The following SNX9 variants were observed in gnomAD, a reference collection of about 807,000 sequenced individuals.
The protein encoded by SNX9 is sorting nexin 9.
SNX9 carries 44 observed loss-of-function variants against 89.4 expected under a neutral mutation model. That is an observed-to-expected ratio of 0.49 (90% confidence interval 0.39 to 0.63). SNX9 has a LOEUF of 0.63. Among genes scored for constraint, SNX9 ranks in the 30% least tolerant of loss-of-function variants. SNX9 has a pLI of 0.00. For missense variants in SNX9, 578 were observed against 736.1 expected, an observed-to-expected ratio of 0.79 and a Z score of 2.49; for synonymous variants, 236 against 247.8, an observed-to-expected ratio of 0.95 and a Z score of 0.45.
At chr6:157,928,762 G>A in intron 12 of SNX9, 60 bp downstream of exon 12, 1 of 1,330,706 alleles carries the variant, frequency 7.5e-7, no homozygotes, top group South Asian at 1.5e-5. Context: ...TCAGTTTTAT[G>A]TCCCTTATCA....
intron 6 of SNX9, among the ~76,000 whole-genome samples, chr6:157,902,595 C>CT (rs1340094766): frequency 2.0e-5 from 3 of 152,100 alleles, no homozygotes; most frequent in African/African-American, 7.2e-5. Context: ...GCTCCTGTGC[C>CT]TAAAAACGTG....
intron 5 of SNX9, among the ~76,000 whole-genome samples, chr6:157,899,857 C>T (rs900926926): frequency 5.9e-5 from 9 of 151,976 alleles, no homozygotes; most frequent in African/African-American, 9.7e-5. Context: ...TACAGCCAAG[C>T]GCTTAACATA....
At chr6:157,832,025 G>T (rs1345285184) in intron 1 of SNX9, among the ~76,000 whole-genome samples, 1 of 152,198 alleles carries the variant, frequency 6.6e-6, no homozygotes, top group Non-Finnish European at 1.5e-5. Context: ...CTTTCCAATT[G>T]ATATTTCTTT....
chr6:157,840,519 TA>T (rs1781685331), intron 1 of SNX9, among the ~76,000 whole-genome samples: 1 of 152,108 alleles, frequency 6.6e-6, no homozygotes, highest in Non-Finnish European at 1.5e-5. Context: ...CTTTCTTTTT[TA>T]AAGAGTTGAG....
intron 10 of SNX9, among the ~76,000 whole-genome samples, chr6:157,926,349 T>G (rs555082148): frequency 6.6e-6 from 1 of 152,310 alleles, no homozygotes; most frequent in Non-Finnish European, 1.5e-5. Flanking sequence ...TGGATATTTT[T>G]GATTTGGGTA....
At chr6:157,842,534 C>T (rs1035972640) in intron 1 of SNX9, among the ~76,000 whole-genome samples, 1 of 152,020 alleles carries the variant, frequency 6.6e-6, no homozygotes, top group Non-Finnish European at 1.5e-5. Context: ...AGTCAGTCTC[C>T]CCGAGCATTT....
intron 7 of SNX9, among the ~76,000 whole-genome samples, chr6:157,909,041 A>T (rs1441688619): frequency 2.0e-5 from 3 of 152,140 alleles, no homozygotes; most frequent in Admixed American, 1.3e-4. Context: ...TTTAAGATGT[A>T]GTACCTCCCC....
intron 4 of SNX9, among the ~76,000 whole-genome samples, chr6:157,890,537 G>A (rs907908103): frequency 7.2e-5 from 11 of 152,236 alleles, no homozygotes; most frequent in African/African-American, 2.4e-4. Context: ...TGGGGTGGGA[G>A]TTAGGAAGAG....
rs1239761061 is a variant in SNX9 at position 157,823,340 on chromosome 6, CCGCCCT to C, written c.-88_-83del. ...CCGCGCCGGGGCCCAGCCGGAGCCG[CCGCCCT>C]CGCCCTTGCCTTTGCCTGCGCGGCT... On this transcript the variant is annotated 5_prime_UTR_variant, in exon 1 of 18. Coordinates refer to ENST00000392185, the MANE Select transcript of SNX9 (RefSeq NM_016224.5). The surrounding 1 kb of genome is among the most constrained non-coding windows in gnomAD (Gnocchi z 4.6). The C allele has an allele frequency of 8.9e-7, 1 of 1,120,056 alleles. No homozygotes were observed. The highest frequency in any genetic ancestry group is 1.7e-5 in the African/African-American group (1 of 59,744). The allele number at this position is 1,120,056 out of a possible 1,614,324, so 69.4% of individuals were successfully genotyped here.
chr6:157,914,412 A>G (rs990003945), intron 9 of SNX9, among the ~76,000 whole-genome samples: 1 of 150,034 alleles, frequency 6.7e-6, no homozygotes, highest in East Asian at 2.0e-4. Context: ...TCTTTGTTAG[A>G]TAAGTGATTT....
At chr6:157,933,782 C>T (rs1447501804) in intron 13 of SNX9, among the ~76,000 whole-genome samples, 2 of 152,166 alleles carry the variant, frequency 1.3e-5, no homozygotes, top group African/African-American at 2.4e-5. Context: ...CATGATGGCC[C>T]GGCTCCACAG....
At chr6:157,828,079 C>A (rs1359984) in intron 1 of SNX9, among the ~76,000 whole-genome samples, 44,559 of 151,952 alleles carry the variant, frequency 0.29, 7,745 homozygotes, top group African/African-American at 0.49. Flanking sequence ...CTTTATTTGA[C>A]GACTAGAATA....
Position 157,942,926 on chromosome 6 carries a change from A to G in SNX9, c.*88A>G, listed in dbSNP as rs571825471. 7 of 1,365,576 alleles carry G rather than the reference A, an allele frequency of 5.1e-6. No individual in the cohort carries two copies. Among genetic ancestry groups the G allele is most frequent in the South Asian group, 2.8e-5 (2 of 71,398 alleles). The allele number at this position is 1,365,576 out of a possible 1,614,324, so 84.6% of individuals were successfully genotyped here. On this transcript the variant is annotated 3_prime_UTR_variant, in exon 18 of 18. Transcript: ENST00000392185. ...AAACTTTTTTTCCCCTATTATTCAGAAAAAAAAGGAAACAAAACCAAAAAG... is the reference window on the plus strand; with the variant it reads ...AAACTTTTTTTCCCCTATTATTCAGGAAAAAAAGGAAACAAAACCAAAAAG...
At chr6:157,840,889 G>A (rs1322597040) in intron 1 of SNX9, among the ~76,000 whole-genome samples, 1 of 152,124 alleles carries the variant, frequency 6.6e-6, no homozygotes, top group Admixed American at 6.6e-5. Context: ...AGACCATTTG[G>A]CTGTTACCGT....
chr6:157,907,779 A>G (rs1216772418), intron 7 of SNX9, among the ~76,000 whole-genome samples: 1 of 152,092 alleles, frequency 6.6e-6, no homozygotes, highest in African/African-American at 2.4e-5. Flanking sequence ...GCCCAGAGAA[A>G]GCAGAGACTA....
intron 1 of SNX9, among the ~76,000 whole-genome samples, chr6:157,841,997 C>T (rs1389598911): frequency 6.6e-6 from 1 of 152,148 alleles, no homozygotes; most frequent in Non-Finnish European, 1.5e-5. Context: ...CCCCTATTTT[C>T]CCCTTTCCTC....
chr6:157,841,919 C>T (rs776147757), intron 1 of SNX9, among the ~76,000 whole-genome samples: 13 of 152,146 alleles, frequency 8.5e-5, no homozygotes, highest in Non-Finnish European at 1.8e-4. Context: ...CACAGTGACA[C>T]TCCCCTGTGT....
chr6:157,887,822 G>T (rs141903501), intron 4 of SNX9, among the ~76,000 whole-genome samples: 1 of 152,080 alleles, frequency 6.6e-6, no homozygotes. Context: ...GGAGAGTTGC[G>T]CCTGAAAAGG....
At chr6:157,934,707 A>T (rs1259280349) in intron 13 of SNX9, among the ~76,000 whole-genome samples, 1 of 152,218 alleles carries the variant, frequency 6.6e-6, no homozygotes, top group Non-Finnish European at 1.5e-5. Context: ...TAAGATTTTT[A>T]AAATAAAAAG....
Sources: gnomAD v4.1 joint callset for allele counts (sites outside exome capture counted in the v4.1 genomes callset) on GRCh38, gnomAD v4.1.1 for gene constraint, Gnocchi (gnomAD v3.1) non-coding constraint, MANE v1.5 for transcripts, NCBI Gene and HGNC (gene_info 2026-07-23, HGNC 2026-07-21) for gene names.